Variants in ZBTB7B observed in about 807,000 individuals in gnomAD.
The protein encoded by ZBTB7B is zinc finger and BTB domain containing 7B.
In ZBTB7B, 8 loss-of-function variants were observed where a neutral mutation model predicts 31.0. The ratio of observed to expected loss-of-function variants is 0.26; its 90% CI spans 0.15 to 0.47. The LOEUF is 0.47. ZBTB7B is among the 20% of genes least tolerant of loss of function. The pLI is 0.99. For missense variants in ZBTB7B, 494 were observed against 742.4 expected (o/e 0.67, Z 3.89); for synonymous variants, 261 against 307.3 (o/e 0.85, Z 1.58).
At chr1:155,015,914 G>C in intron 2 of ZBTB7B, 100 bp downstream of exon 2, 1 of 1,428,220 alleles carries the variant, frequency 7.0e-7, no homozygotes, top group Non-Finnish European at 9.5e-7. Flanking sequence ...GGTGGTAGGT[G>C]GTCCTGGAGG....
At chr1:155,010,811 G>T (rs957704116) in intron 1 of ZBTB7B, 56 of 888,678 alleles carry the variant, frequency 6.3e-5, no homozygotes, top group South Asian at 1.1e-4. Flanking sequence ...GAGTTGGGGT[G>T]GGGGGGTGGA....
At position 155,018,207 on chromosome 1, in the gene ZBTB7B, A is replaced by T; in HGVS notation, c.*1522A>T. ...ACCCCTAACAGTGGGGAGGGGTCAC[A>T]GGGAGGGGGTAGCGGGACCAGTCCC... On this transcript the variant is annotated 3_prime_UTR_variant, in exon 3 of 3. Coordinates refer to ENST00000535420, the MANE Select transcript of ZBTB7B (RefSeq NM_001256455.2). 2 of 275,360 alleles carry T rather than the reference A, an allele frequency of 7.3e-6. No individual in the cohort carries two copies. The highest frequency in any genetic ancestry group is 4.9e-5 in the Admixed American group (1 of 20,242). 17.1% of individuals were successfully genotyped at this position (275,360 alleles called of 1,614,324 possible). A position where few individuals can be genotyped will look rare whatever the true frequency, so the allele number is the denominator to read the frequency against.
chr1:155,012,795 C>G (rs1659082742), intron 1 of ZBTB7B, among the ~76,000 whole-genome samples: 1 of 150,316 alleles, frequency 6.7e-6, no homozygotes. Flanking sequence ...TTGACTCCCC[C>G]ATTCACCCCC....
chr1:155,017,356 TAG>T lies in ZBTB7B; in HGVS notation c.*674_*675del, dbSNP rs1491094343. The T allele has an allele frequency of 3.9e-5, 6 of 152,292 alleles. No individual in the cohort carries two copies. The East Asian group carries it at 1.2e-3, about 30-fold the overall frequency. 9.4% of individuals were successfully genotyped at this position (152,292 alleles called of 1,614,324 possible). On this transcript the variant is annotated 3_prime_UTR_variant, in exon 3 of 3. Coordinates refer to ENST00000535420, the MANE Select transcript of ZBTB7B (RefSeq NM_001256455.2). ...TTGGCTCGCCTGCCCCTGGGGGCAG[TAG>T]AGGGGCCCCGCCCAGCTAGGGGAGC... is the stretch of plus-strand genomic sequence containing the variant.
chr1:155,013,170 T>A (rs1272471024), intron 1 of ZBTB7B, among the ~76,000 whole-genome samples: 1 of 152,236 alleles, frequency 6.6e-6, no homozygotes, highest in African/African-American at 2.4e-5. Context: ...TGGTCTCATT[T>A]AACCCTCACC....
At position 155,003,629 on chromosome 1, in the gene ZBTB7B, C is replaced by T. The variant is rs1658381563; in HGVS notation, c.-7+686C>T. 6.6e-6 allele frequency among the ~76,000 whole-genome samples: 1 copy of T among 152,208 alleles called. No homozygotes were observed. Among genetic ancestry groups the T allele is most frequent in the Non-Finnish European group, 1.5e-5 (1 of 68,038 alleles). On this transcript the variant is annotated intron_variant, in intron 1 of 2. Transcript: ENST00000535420. The surrounding 1 kb of genome is among the most constrained non-coding windows in gnomAD (Gnocchi z 5.8). ...CCCGCCGCTACCTTTTCCACGCCAG[C>T]TCATGACCACAGAACCCAAGAGCGA... is the stretch of plus-strand genomic sequence containing the variant.
At chr1:155,013,908 G>T in intron 1 of ZBTB7B, 1 of 377,076 alleles carries the variant, frequency 2.7e-6, no homozygotes, top group Non-Finnish European at 3.7e-6. Context: ...CTGGAGAAGT[G>T]GGGGATCTAG....
At chr1:155,006,369 T>G (rs560118645) in intron 1 of ZBTB7B, among the ~76,000 whole-genome samples, 2 of 152,198 alleles carry the variant, frequency 1.3e-5, no homozygotes, top group African/African-American at 4.8e-5. Context: ...TAACCCCACA[T>G]ATACCTCTAC....
intron 1 of ZBTB7B, among the ~76,000 whole-genome samples, chr1:155,012,597 C>T (rs940124069): frequency 8.6e-5 from 13 of 151,868 alleles, no homozygotes; most frequent in Admixed American, 2.6e-4. Context: ...AAGTGGTTTG[C>T]GGACTTACGG....
At chr1:155,011,713 C>T (rs1658998874) in intron 1 of ZBTB7B, among the ~76,000 whole-genome samples, 1 of 152,230 alleles carries the variant, frequency 6.6e-6, no homozygotes, top group African/African-American at 2.4e-5. Flanking sequence ...GGGGGCATGC[C>T]AGATTGGGTG....
chr1:155,009,827 G>A (rs542897026), intron 1 of ZBTB7B, among the ~76,000 whole-genome samples: 1 of 152,166 alleles, frequency 6.6e-6, no homozygotes, highest in South Asian at 2.1e-4. Flanking sequence ...GGAATGGATG[G>A]TTGGAGCAGG....
Position 155,016,780 on chromosome 1 carries a change from C to A in ZBTB7B, c.*95C>A. ...GGACAGACACAGCAGGGGTCTGGGG[C>A]ACGGAGCCTTGCTGGCATCAGCATC... On this transcript the variant is annotated 3_prime_UTR_variant, in exon 3 of 3. Transcript: ENST00000535420. The surrounding 1 kb of genome is among the most constrained non-coding windows in gnomAD (Gnocchi z 4.3). The A allele has an allele frequency of 1.4e-6, 1 of 714,142 alleles. No homozygotes were observed. The highest frequency in any genetic ancestry group is 2.3e-6 in the Non-Finnish European group (1 of 430,604). 44.2% of individuals were successfully genotyped at this position (714,142 alleles called of 1,614,324 possible).
In ZBTB7B at chr1:155,004,002, C is replaced by T. The variant is rs1389876182; in HGVS notation, c.-7+1059C>T. ...GAGAGAGGGCGGGTCCCCTGCCCCC[C>T]GCCCCGCACAACCCCCACGTATCAA... On this transcript the variant is annotated intron_variant, in intron 1 of 2. Transcript: ENST00000535420. The surrounding 1 kb of genome is among the most constrained non-coding windows in gnomAD (Gnocchi z 4.0). Among the ~76,000 whole-genome samples, 4 of 152,156 alleles carry T rather than the reference C, an allele frequency of 2.6e-5. No homozygotes were observed. Among genetic ancestry groups the T allele is most frequent in the African/African-American group, 9.7e-5 (4 of 41,440 alleles).
intron 1 of ZBTB7B, among the ~76,000 whole-genome samples, chr1:155,008,675 T>G (rs1029766010): frequency 2.0e-4 from 30 of 152,292 alleles, no homozygotes; most frequent in African/African-American, 7.0e-4. Flanking sequence ...CTTTTAGGAC[T>G]GAGTAAGGAC....
rs1658453298 is a variant in ZBTB7B at position 155,004,706 on chromosome 1, T to C, written c.-7+1763T>C. 6.6e-6 allele frequency among the ~76,000 whole-genome samples: 1 copy of C among 152,000 alleles called. No homozygotes were observed. The highest frequency in any genetic ancestry group is 2.1e-4 in the South Asian group (1 of 4,828). On this transcript the variant is annotated intron_variant, in intron 1 of 2. Transcript: ENST00000535420. The surrounding 1 kb of genome is among the most constrained non-coding windows in gnomAD (Gnocchi z 4.0). Reference sequence around the variant, plus strand: ...AGGGGGCTCCCCCTGGAGCAGCTGATGAAACAAGGAGAAATCTCTGTCAGT... The same window carrying C: ...AGGGGGCTCCCCCTGGAGCAGCTGACGAAACAAGGAGAAATCTCTGTCAGT...
Position 155,018,274 on chromosome 1 carries a change from G to C in ZBTB7B, c.*1589G>C, listed in dbSNP as rs1297350069. 2.0e-6 allele frequency: 1 copy of C among 501,390 alleles called. No individual in the cohort carries two copies. The highest frequency in any genetic ancestry group is 3.6e-6 in the Non-Finnish European group (1 of 278,326). The allele number at this position is 501,390 out of a possible 1,614,324, so 31.1% of individuals were successfully genotyped here. A position where few individuals can be genotyped will look rare whatever the true frequency, so the allele number is the denominator to read the frequency against. ...AGTGATGATGTAATATATTGGGGTG[G>C]CGGGGAGATCGGGTTGTCCTGGGCC... On this transcript the variant is annotated 3_prime_UTR_variant, in exon 3 of 3. Transcript: ENST00000535420.
chr1:155,013,885 T>C, intron 1 of ZBTB7B: 1 of 247,478 alleles, frequency 4.0e-6, no homozygotes, highest in Non-Finnish European at 6.4e-6. Context: ...GGGAGCTGTG[T>C]TTCCCGTTTG....
In ZBTB7B at chr1:155,003,362, C is replaced by T. The variant is rs972662907; in HGVS notation, c.-7+419C>T. Among the ~76,000 whole-genome samples, 1 of 152,032 alleles carries T rather than the reference C, an allele frequency of 6.6e-6. No individual in the cohort carries two copies. Among genetic ancestry groups the T allele is most frequent in the Non-Finnish European group, 1.5e-5 (1 of 67,914 alleles). ...CTCTAACTAGGACAACGCGCACCCC[C>T]CCCCCACCCCGCGCCCCCTGGCGCG... On this transcript the variant is annotated intron_variant, in intron 1 of 2. Transcript: ENST00000535420. The surrounding 1 kb of genome is among the most constrained non-coding windows in gnomAD (Gnocchi z 5.8).
At position 155,016,863 on chromosome 1, in the gene ZBTB7B, G is replaced by A; in HGVS notation, c.*178G>A. On this transcript the variant is annotated 3_prime_UTR_variant, in exon 3 of 3. Coordinates refer to ENST00000535420, the MANE Select transcript of ZBTB7B (RefSeq NM_001256455.2). The surrounding 1 kb of genome is among the most constrained non-coding windows in gnomAD (Gnocchi z 4.3). ...CAAGCTAAGAAGGTATTGGGGCAGAGGCTCCCCAAATTGGGGTGATCCCCC... is the reference window on the plus strand; with the variant it reads ...CAAGCTAAGAAGGTATTGGGGCAGAAGCTCCCCAAATTGGGGTGATCCCCC... 2 of 565,722 alleles carry A rather than the reference G, an allele frequency of 3.5e-6. No homozygotes were observed. The highest frequency in any genetic ancestry group is 2.8e-5 in the East Asian group (1 of 35,948). The allele number at this position is 565,722 out of a possible 1,614,324, so 35.0% of individuals were successfully genotyped here.
Sources: gnomAD v4.1 joint callset for allele counts (sites outside exome capture counted in the v4.1 genomes callset) on GRCh38, gnomAD v4.1.1 for gene constraint, Gnocchi (gnomAD v3.1) non-coding constraint, MANE v1.5 for transcripts, NCBI Gene and HGNC (gene_info 2026-07-23, HGNC 2026-07-21) for gene names.